The following PPARGC1A variants were observed in gnomAD, a reference collection of about 807,000 sequenced individuals.
PPARGC1A encodes the protein peroxisome proliferator-activated receptor gamma coactivator 1-alpha.
Under a neutral mutation model 88.7 loss-of-function variants are expected in PPARGC1A, and 25 were observed. The ratio of observed to expected loss-of-function variants is 0.28; its 90% CI spans 0.21 to 0.39. The LOEUF is 0.39. Ranked by LOEUF, PPARGC1A falls within the 10% of genes least tolerant of loss-of-function variation. The probability of loss-of-function intolerance (pLI) is 1.00; values close to 1 mark genes in which losing one functional copy is unlikely to be tolerated. For synonymous variants in PPARGC1A, 363 were observed against 355.6 expected, an observed-to-expected ratio of 1.02 and a Z score of -0.24; for missense variants, 880 against 968.7, an observed-to-expected ratio of 0.91 and a Z score of 1.22.
chr4:24,399,928 G>A, the PPARGC1A span, among the ~76,000 whole-genome samples: 1 of 151,908 alleles, frequency 6.6e-6, no homozygotes, highest in African/African-American at 2.4e-5. Context: ...TGGAATTACA[G>A]GCACACACCA....
the PPARGC1A span, among the ~76,000 whole-genome samples, chr4:23,991,842 A>G: frequency 6.6e-6 from 1 of 152,144 alleles, no homozygotes; most frequent in Admixed American, 6.6e-5. Flanking sequence ...GATAAAGGTA[A>G]GAAGTCAAGA....
At chr4:23,914,179 G>A in the PPARGC1A span, among the ~76,000 whole-genome samples, 1 of 152,070 alleles carries the variant, frequency 6.6e-6, no homozygotes, top group Non-Finnish European at 1.5e-5. Context: ...TATTAATCAT[G>A]GTTAAATTTT....
the PPARGC1A span, among the ~76,000 whole-genome samples, chr4:24,373,490 A>C: frequency 1.4e-3 from 217 of 152,346 alleles, 1 homozygote; most frequent in African/African-American, 5.0e-3. Context: ...TTTGTCTCTA[A>C]ATATTGAATT....
chr4:24,052,663 G>A, the PPARGC1A span, among the ~76,000 whole-genome samples: 1 of 150,292 alleles, frequency 6.7e-6, no homozygotes, highest in Non-Finnish European at 1.5e-5. Context: ...AATATTCCCT[G>A]GAAAAAGTCT....
At chr4:23,982,946 T>G in the PPARGC1A span, among the ~76,000 whole-genome samples, 3 of 152,152 alleles carry the variant, frequency 2.0e-5, no homozygotes, top group Non-Finnish European at 4.4e-5. Context: ...TAAATAAAGT[T>G]TTATTGGGAC....
At chr4:23,857,239 T>C (rs1026952446) in intron 2 of PPARGC1A, among the ~76,000 whole-genome samples, 2 of 151,310 alleles carry the variant, frequency 1.3e-5, no homozygotes, top group Admixed American at 1.3e-4. Flanking sequence ...CCTGTGACAA[T>C]ATAAAAGGCA....
chr4:23,972,632 T>C, the PPARGC1A span, among the ~76,000 whole-genome samples: 1 of 152,216 alleles, frequency 6.6e-6, no homozygotes, highest in African/African-American at 2.4e-5. Context: ...CAAACTACTT[T>C]TGTGCTGTCT....
At chr4:23,997,348 CT>C in the PPARGC1A span, among the ~76,000 whole-genome samples, 13 of 151,452 alleles carry the variant, frequency 8.6e-5, no homozygotes, top group African/African-American at 3.2e-4. Context: ...GGTAAAAATC[CT>C]TTTTTTTATC....
the PPARGC1A span, among the ~76,000 whole-genome samples, chr4:24,149,212 A>G: frequency 6.6e-6 from 1 of 152,228 alleles, no homozygotes; most frequent in South Asian, 2.1e-4. Flanking sequence ...TACAGTTTCT[A>G]TTAGCATTAT....
the PPARGC1A span, among the ~76,000 whole-genome samples, chr4:24,206,087 T>G: frequency 6.6e-6 from 1 of 152,194 alleles, no homozygotes; most frequent in Non-Finnish European, 1.5e-5. Flanking sequence ...AAGGTGAATT[T>G]CAATAAATCA....
chr4:24,359,582 C>T, the PPARGC1A span, among the ~76,000 whole-genome samples: 2 of 152,116 alleles, frequency 1.3e-5, no homozygotes, highest in African/African-American at 2.4e-5. Context: ...TGAATGGGAC[C>T]TTATTTGGAA....
the PPARGC1A span, among the ~76,000 whole-genome samples, chr4:24,413,589 G>A: frequency 6.6e-6 from 1 of 152,146 alleles, no homozygotes; most frequent in South Asian, 2.1e-4. Context: ...GATCCCCACT[G>A]GTATTTTAAC....
the PPARGC1A span, among the ~76,000 whole-genome samples, chr4:24,096,178 G>A: frequency 2.6e-5 from 4 of 151,984 alleles, no homozygotes; most frequent in African/African-American, 7.3e-5. Context: ...TCTCTCTTCC[G>A]CCACCATGCG....
chr4:23,910,534 G>A, the PPARGC1A span, among the ~76,000 whole-genome samples: 5 of 145,662 alleles, frequency 3.4e-5, no homozygotes, highest in South Asian at 2.1e-4. Flanking sequence ...TCCGCCTCCC[G>A]AGTTCAAGCA....
At chr4:24,454,905 A>G in the PPARGC1A span, among the ~76,000 whole-genome samples, 1 of 151,588 alleles carries the variant, frequency 6.6e-6, no homozygotes, top group Non-Finnish European at 1.5e-5. Flanking sequence ...ATTGTCACAA[A>G]AAAAAAAACA....
chr4:24,023,575 C>T, the PPARGC1A span, among the ~76,000 whole-genome samples: 3 of 152,182 alleles, frequency 2.0e-5, no homozygotes, highest in African/African-American at 4.8e-5. Flanking sequence ...ACATATACTC[C>T]TGGGGCCATA....
the PPARGC1A span, among the ~76,000 whole-genome samples, chr4:23,916,655 T>C: frequency 1.1e-3 from 164 of 152,324 alleles, no homozygotes; most frequent in African/African-American, 3.7e-3. Context: ...CTGCCTACTA[T>C]TCCATTGTAT....
chr4:23,825,030 G>A (rs1005051526), intron 5 of PPARGC1A: 3 of 159,188 alleles, frequency 1.9e-5, no homozygotes, highest in African/African-American at 7.2e-5. Context: ...TGTGGGCATT[G>A]ATCCAGATGG....
At chr4:24,334,116 G>A in the PPARGC1A span, among the ~76,000 whole-genome samples, 1 of 151,960 alleles carries the variant, frequency 6.6e-6, no homozygotes, top group African/African-American at 2.4e-5. Context: ...GGTAGTGTCT[G>A]GGATCCTGTA....
Sources: allele counts gnomAD v4.1 joint callset (sites outside exome capture counted in the v4.1 genomes callset), GRCh38; gene constraint gnomAD v4.1.1; transcripts MANE v1.5; gene names NCBI Gene and HGNC (gene_info 2026-07-23, HGNC 2026-07-21).